SNTG1: variants seen among roughly 807,000 people sequenced by gnomAD.
SNTG1 encodes the protein syntrophin gamma 1, also known as gamma-1-syntrophin.
SNTG1 carries 39 observed loss-of-function variants against 74.7 expected under a neutral mutation model. The ratio of observed to expected loss-of-function variants is 0.52; its 90% CI spans 0.40 to 0.68. SNTG1 has a LOEUF of 0.68. Among genes scored for constraint, SNTG1 ranks in the 30% least tolerant of loss-of-function variants. SNTG1 has a pLI of 0.00. For synonymous variants in SNTG1, 254 were observed against 217.1 expected, an observed-to-expected ratio of 1.17 and a Z score of -1.49; for missense variants, 685 against 609.5, an observed-to-expected ratio of 1.12 and a Z score of -1.30.
intron 18 of SNTG1, among the ~76,000 whole-genome samples, chr8:50,760,336 T>TAG (rs2095594757): frequency 6.6e-6 from 1 of 152,084 alleles, no homozygotes; most frequent in Admixed American, 6.6e-5. Context: ...ACCCTTTATT[T>TAG]CTTTTGACTG....
intron 1 of SNTG1, among the ~76,000 whole-genome samples, chr8:49,972,745 C>G (rs1811815535): frequency 6.6e-6 from 1 of 152,002 alleles, no homozygotes; most frequent in South Asian, 2.1e-4. Context: ...ATCTATGCAG[C>G]CAAAATACAG....
chr8:50,159,410 T>C (rs936123163), intron 1 of SNTG1, among the ~76,000 whole-genome samples: 2 of 152,150 alleles, frequency 1.3e-5, no homozygotes, highest in Non-Finnish European at 2.9e-5. Flanking sequence ...TTAGGACAGG[T>C]TTAGGCATTA....
At position 50,666,357 on chromosome 8, in the gene SNTG1, C is replaced by G. The variant is rs999449852; in HGVS notation, c.1038+7694C>G. On this transcript the variant is annotated intron_variant, in intron 15 of 18. Coordinates refer to ENST00000642720, the MANE Select transcript of SNTG1 (RefSeq NM_018967.5). ...AGCAGAGGATTCTGAACTGGTGAGTCATGAATGAAGCCCAAGGACTAGACC... is the reference window on the plus strand; with the variant it reads ...AGCAGAGGATTCTGAACTGGTGAGTGATGAATGAAGCCCAAGGACTAGACC... 2.6e-5 allele frequency among the ~76,000 whole-genome samples: 4 copies of G among 152,072 alleles called. 1 individual carries two copies. The highest frequency in any genetic ancestry group is 9.7e-5 in the African/African-American group (4 of 41,428).
intron 2 of SNTG1, among the ~76,000 whole-genome samples, chr8:50,321,572 G>C (rs1398255896): frequency 1.8e-5 from 2 of 111,980 alleles, no homozygotes; most frequent in Non-Finnish European, 4.2e-5. Context: ...TCTGCCATTT[G>C]TTGTTTTCTT....
At chr8:50,595,691 A>G (rs764955799) in intron 13 of SNTG1, among the ~76,000 whole-genome samples, 1 of 151,990 alleles carries the variant, frequency 6.6e-6, no homozygotes, top group Non-Finnish European at 1.5e-5. Context: ...CTTGTTTTAC[A>G]TTTTCCAGAT....
intron 1 of SNTG1, among the ~76,000 whole-genome samples, chr8:50,171,380 G>A (rs186842213): frequency 1.8e-4 from 27 of 152,088 alleles, no homozygotes; most frequent in Non-Finnish European, 2.9e-4. Context: ...ATGTTCAAGC[G>A]CAGGAAGCAT....
chr8:50,766,148 A>C (rs560734308), intron 18 of SNTG1, among the ~76,000 whole-genome samples: 9 of 152,130 alleles, frequency 5.9e-5, no homozygotes, highest in African/African-American at 2.2e-4. Context: ...GGTTGTCTCC[A>C]TACCTCCCTT....
intron 8 of SNTG1, among the ~76,000 whole-genome samples, chr8:50,456,398 C>G (rs1018926764): frequency 2.0e-5 from 3 of 150,016 alleles, no homozygotes; most frequent in African/African-American, 7.4e-5. Flanking sequence ...TTTTTTTTTT[C>G]CCTCACAGTC....
intron 1 of SNTG1, among the ~76,000 whole-genome samples, chr8:49,930,584 A>G: frequency 6.6e-6 from 1 of 152,188 alleles, no homozygotes; most frequent in East Asian, 1.9e-4. Context: ...TATGTTACAG[A>G]AACCATCATT....
intron 17 of SNTG1, among the ~76,000 whole-genome samples, chr8:50,728,634 G>T (rs1452183165): frequency 6.6e-6 from 1 of 152,138 alleles, no homozygotes; most frequent in East Asian, 1.9e-4. Context: ...GGTAGAAGCT[G>T]GATCCTCCTG....
At chr8:50,263,625 C>G (rs1270398695) in intron 2 of SNTG1, among the ~76,000 whole-genome samples, 5 of 152,008 alleles carry the variant, frequency 3.3e-5, no homozygotes, top group Non-Finnish European at 5.9e-5. Context: ...AAAAAAGTAA[C>G]TTCATTTTTA....
At chr8:50,148,909 T>A (rs367759998) in intron 1 of SNTG1, among the ~76,000 whole-genome samples, 1 of 152,236 alleles carries the variant, frequency 6.6e-6, no homozygotes, top group Non-Finnish European at 1.5e-5. Flanking sequence ...TTTGGGTATA[T>A]ACCCAGTAAT....
chr8:50,019,406 C>T (rs1459613221), intron 1 of SNTG1, among the ~76,000 whole-genome samples: 1 of 151,966 alleles, frequency 6.6e-6, no homozygotes, highest in Non-Finnish European at 1.5e-5. Context: ...ATTAAATTAC[C>T]TTAAGATGGA....
At chr8:50,373,564 C>T (rs2092315110) in intron 2 of SNTG1, among the ~76,000 whole-genome samples, 1 of 152,128 alleles carries the variant, frequency 6.6e-6, no homozygotes, top group African/African-American at 2.4e-5. Context: ...TCCTCAACCT[C>T]ACAATAGATA....
chr8:50,641,853 C>G (rs921781871), intron 13 of SNTG1, among the ~76,000 whole-genome samples: 1 of 152,186 alleles, frequency 6.6e-6, no homozygotes, highest in Non-Finnish European at 1.5e-5. Context: ...GTCCCAGGAC[C>G]TTGCCATTCA....
chr8:50,152,890 T>C (rs1563666777), intron 1 of SNTG1, among the ~76,000 whole-genome samples: 1 of 152,196 alleles, frequency 6.6e-6, no homozygotes, highest in Non-Finnish European at 1.5e-5. Flanking sequence ...GTCTTGGAGT[T>C]GCTCTTCTCG....
chr8:50,229,597 T>C (rs1163292529), intron 2 of SNTG1, among the ~76,000 whole-genome samples: 2 of 151,540 alleles, frequency 1.3e-5, no homozygotes, highest in East Asian at 1.9e-4. Context: ...AGGCAAAACT[T>C]GATAGTTGTT....
chr8:50,143,631 T>C (rs1479723365), intron 1 of SNTG1, among the ~76,000 whole-genome samples: 1 of 152,230 alleles, frequency 6.6e-6, no homozygotes, highest in Non-Finnish European at 1.5e-5. Flanking sequence ...GCAAGTTTGA[T>C]AAGAATCACT....
intron 4 of SNTG1, among the ~76,000 whole-genome samples, chr8:50,434,817 A>G (rs962873691): frequency 3.3e-5 from 5 of 151,988 alleles, no homozygotes; most frequent in African/African-American, 1.2e-4. Context: ...AACATTCTCT[A>G]TTTTCTTTCC....
Sources: allele counts gnomAD v4.1 joint callset (sites outside exome capture counted in the v4.1 genomes callset), GRCh38; gene constraint gnomAD v4.1.1; transcripts MANE v1.5; gene names NCBI Gene and HGNC (gene_info 2026-07-23, HGNC 2026-07-21).